Variants in MGAT4A observed in about 807,000 individuals in gnomAD.
MGAT4A encodes alpha-1,3-mannosyl-glycoprotein 4-beta-N-acetylglucosaminyltransferase A, also known as N-acetylglucosaminyltransferase IVa.
MGAT4A carries 33 observed loss-of-function variants against 74.1 expected under a neutral mutation model. The observed-to-expected ratio is 0.45, with a 90% confidence interval of 0.34 to 0.60. MGAT4A has a LOEUF of 0.60. MGAT4A is among the 20% of genes least tolerant of loss of function. The pLI is 0.02. For synonymous variants in MGAT4A, 198 were observed against 210.4 expected (o/e 0.94, Z 0.51); for missense variants, 479 against 628.3 (o/e 0.76, Z 2.54).
At chr2:98,674,864 G>A (rs1701957144) in intron 4 of MGAT4A, among the ~76,000 whole-genome samples, 171 bp downstream of exon 4, 1 of 152,188 alleles carries the variant, frequency 6.6e-6, no homozygotes, top group Non-Finnish European at 1.5e-5. Flanking sequence ...TTTGGTCTAT[G>A]AAGGAAAATG....
At chr2:98,700,427 G>A (rs1575275017) in intron 2 of MGAT4A, among the ~76,000 whole-genome samples, 1 of 149,886 alleles carries the variant, frequency 6.7e-6, no homozygotes, top group Admixed American at 6.7e-5. Flanking sequence ...TGCATTATCT[G>A]TCTATCTATC....
rs898693933 is a variant in MGAT4A, at chr2:98,624,764, A to C, written c.*802T>G. 1 of 984,128 alleles carries C rather than the reference A, an allele frequency of 1.0e-6. No individual in the cohort carries two copies. The highest frequency in any genetic ancestry group is 1.2e-6 in the Non-Finnish European group (1 of 828,428). 61.0% of individuals were successfully genotyped at this position (984,128 alleles called of 1,614,324 possible). ...TCTGGGTTGAATGCATCACACTTAC[A>C]CATTGAAAATTTATCAGACTGACTT... On this transcript the variant is annotated 3_prime_UTR_variant, in exon 16 of 16. Coordinates refer to ENST00000393487, the MANE Select transcript of MGAT4A (RefSeq NM_012214.3).
Position 98,689,153 on chromosome 2 carries a change from T to C in MGAT4A, c.95-10682A>G, listed in dbSNP as rs191622415. On this transcript the variant is annotated intron_variant, in intron 2 of 15. Transcript: ENST00000393487. The stretch of plus-strand genomic sequence containing the variant: ...TGTGTTTCTAAGACTACTGGCATCA[T>C]CTTTCAGGATAGCATAAAAGAAGTT... 9.2e-5 allele frequency among the ~76,000 whole-genome samples: 14 copies of C among 152,350 alleles called. No individual in the cohort carries two copies. The East Asian group carries it at 2.5e-3, about 27-fold the overall frequency.
intron 12 of MGAT4A, among the ~76,000 whole-genome samples, chr2:98,638,037 A>G (rs1036733104): frequency 4.6e-5 from 7 of 152,176 alleles, no homozygotes; most frequent in Non-Finnish European, 1.0e-4. Flanking sequence ...ATGGGTACAC[A>G]GGATGTCTCA....
In MGAT4A at chr2:98,622,700, A is replaced by G. The variant is rs1200407338; in HGVS notation, c.*2866T>C. 2 of 985,600 alleles carry G rather than the reference A, an allele frequency of 2.0e-6. No individual in the cohort carries two copies. Among genetic ancestry groups the G allele is most frequent in the African/African-American group, 1.7e-5 (1 of 57,230 alleles). 61.1% of individuals were successfully genotyped at this position (985,600 alleles called of 1,614,324 possible). A position where few individuals can be genotyped will look rare whatever the true frequency, so the allele number is the denominator to read the frequency against. On this transcript the variant is annotated 3_prime_UTR_variant, in exon 16 of 16. Transcript: ENST00000393487. ...CAGTGAGAGGCCCTGAGCACCCACC[A>G]TAGGAGAGGACAGATGAGCAGTATG...
chr2:98,674,247 T>C (rs931318615), intron 4 of MGAT4A, among the ~76,000 whole-genome samples: 5 of 152,216 alleles, frequency 3.3e-5, no homozygotes, highest in African/African-American at 4.8e-5. Context: ...AATCTTGATA[T>C]CTATGAAGTT....
intron 2 of MGAT4A, among the ~76,000 whole-genome samples, chr2:98,721,804 C>CA (rs550718170): frequency 2.8e-4 from 41 of 147,020 alleles, no homozygotes; most frequent in African/African-American, 6.2e-4. Flanking sequence ...TCAATTAATG[C>CA]AAAAAAAAAG....
At chr2:98,715,317 C>CAAAAAAAAAAAAA (rs201860893) in intron 2 of MGAT4A, among the ~76,000 whole-genome samples, 3 of 63,256 alleles carry the variant, frequency 4.7e-5, no homozygotes, top group Non-Finnish European at 9.9e-5. Flanking sequence ...GACTTCATCT[C>CAAAAAAAAAAAAA]AAAAAAAAAA....
At chr2:98,627,686 G>GA (rs1559153483) in intron 14 of MGAT4A, among the ~76,000 whole-genome samples, 1 of 152,138 alleles carries the variant, frequency 6.6e-6, no homozygotes, top group African/African-American at 2.4e-5. Context: ...TAGCAAAAAC[G>GA]AATTTTCAAA....
intron 4 of MGAT4A, among the ~76,000 whole-genome samples, chr2:98,674,115 T>C (rs1020017842): frequency 2.6e-5 from 4 of 152,326 alleles, no homozygotes; most frequent in South Asian, 2.1e-4. Context: ...AAGATGAATG[T>C]AAAAGCTTAC....
intron 4 of MGAT4A, among the ~76,000 whole-genome samples, chr2:98,674,665 G>T (rs1056891928): frequency 6.6e-6 from 1 of 152,176 alleles, no homozygotes; most frequent in African/African-American, 2.4e-5. Context: ...TGTAGGAAAA[G>T]TGGGGCAGAC....
chr2:98,709,534 G>A (rs1702486928), intron 2 of MGAT4A, among the ~76,000 whole-genome samples: 1 of 152,062 alleles, frequency 6.6e-6, no homozygotes, highest in Admixed American at 6.6e-5. Flanking sequence ...AAGTTTTTAA[G>A]TTTAACTTAC....
intron 2 of MGAT4A, among the ~76,000 whole-genome samples, chr2:98,687,312 A>G (rs1352101240): frequency 6.6e-6 from 1 of 152,208 alleles, no homozygotes; most frequent in African/African-American, 2.4e-5. Context: ...GATAGTTGTA[A>G]CTGTTACAAA....
At chr2:98,635,156 G>T in intron 14 of MGAT4A, 66 bp downstream of exon 14, 1 of 1,229,682 alleles carries the variant, frequency 8.1e-7, no homozygotes, top group Non-Finnish European at 1.2e-6. Flanking sequence ...CATCTGAAAA[G>T]AACTGAAAAG....
intron 3 of MGAT4A, among the ~76,000 whole-genome samples, chr2:98,677,658 G>A (rs1280578986): frequency 6.6e-6 from 1 of 151,912 alleles, no homozygotes; most frequent in Non-Finnish European, 1.5e-5. Flanking sequence ...TCACCATGTT[G>A]GCCAGCCTGG....
At chr2:98,703,288 T>C (rs1702376615) in intron 2 of MGAT4A, among the ~76,000 whole-genome samples, 1 of 152,156 alleles carries the variant, frequency 6.6e-6, no homozygotes. Context: ...AGATTTCAGA[T>C]GGCAGAAGAA....
intron 4 of MGAT4A, chr2:98,663,411 T>C (rs2104271846): frequency 1.3e-6 from 2 of 1,502,484 alleles, no homozygotes; most frequent in Admixed American, 2.7e-5. Context: ...ATGAAAGACA[T>C]TAAACTTCAC....
At chr2:98,730,667 T>G (rs1702839447) in intron 1 of MGAT4A, among the ~76,000 whole-genome samples, 1 of 149,420 alleles carries the variant, frequency 6.7e-6, no homozygotes. Context: ...TCCCCCAAAG[T>G]CGCCGAGCCC....
rs1310371474 is a variant in MGAT4A, at chr2:98,625,512, A to C, written c.*54T>G. 6.3e-7 allele frequency: 1 copy of C among 1,599,896 alleles called. No homozygotes were observed. The highest frequency in any genetic ancestry group is 1.8e-5 in the Admixed American group (1 of 56,334). Reference sequence around the variant, plus strand: ...AGAAATAAAAAAAAGATACATGCTTAACTATCTTTAATTAACAAATTCACA... The same window carrying C: ...AGAAATAAAAAAAAGATACATGCTTCACTATCTTTAATTAACAAATTCACA... On this transcript the variant is annotated 3_prime_UTR_variant, in exon 16 of 16. Coordinates refer to ENST00000393487, the MANE Select transcript of MGAT4A (RefSeq NM_012214.3).
Sources: gnomAD v4.1 joint callset for allele counts (sites outside exome capture counted in the v4.1 genomes callset) on GRCh38, gnomAD v4.1.1 for gene constraint, MANE v1.5 for transcripts, NCBI Gene and HGNC (gene_info 2026-07-23, HGNC 2026-07-21) for gene names.